Variants in GRID2 observed in about 807,000 individuals in gnomAD.
GRID2 encodes the protein glutamate ionotropic receptor delta type subunit 2, also known as glutamate receptor ionotropic, delta-2.
GRID2 carries 33 observed loss-of-function variants against 114.8 expected under a neutral mutation model. The ratio of observed to expected loss-of-function variants is 0.29; its 90% CI spans 0.22 to 0.38. The LOEUF is 0.38. GRID2 is among the 10% of genes least tolerant of loss of function. The pLI is 1.00. For synonymous variants in GRID2, 505 were observed against 449.9 expected, an observed-to-expected ratio of 1.12 and a Z score of -1.55; for missense variants, 1,184 against 1,257.7, an observed-to-expected ratio of 0.94 and a Z score of 0.89.
intron 8 of GRID2, among the ~76,000 whole-genome samples, chr4:93,255,627 G>C (rs959366360): frequency 6.6e-6 from 1 of 151,990 alleles, no homozygotes; most frequent in Non-Finnish European, 1.5e-5. Context: ...AATTCTCATG[G>C]GAATGGGTTA....
At chr4:92,688,066 T>TTTTTG (rs1352613092) in intron 2 of GRID2, among the ~76,000 whole-genome samples, 4 of 135,018 alleles carry the variant, frequency 3.0e-5, no homozygotes, top group African/African-American at 1.2e-4. Flanking sequence ...TTTTTTTTTT[T>TTTTTG]GGGATGGAGT....
At chr4:93,754,585 G>A (rs1398307674) in intron 14 of GRID2, among the ~76,000 whole-genome samples, 1 of 152,036 alleles carries the variant, frequency 6.6e-6, no homozygotes, top group Non-Finnish European at 1.5e-5. Flanking sequence ...ATCCAGTATT[G>A]CTTACCACCA....
intron 1 of GRID2, among the ~76,000 whole-genome samples, chr4:92,397,736 G>A (rs1268722853): frequency 6.6e-6 from 1 of 152,038 alleles, no homozygotes; most frequent in African/African-American, 2.4e-5. Flanking sequence ...TGTTACAATA[G>A]CAACCCAAAA....
chr4:93,160,357 T>C (rs1281221128), intron 4 of GRID2, among the ~76,000 whole-genome samples: 1 of 151,820 alleles, frequency 6.6e-6, no homozygotes, highest in Non-Finnish European at 1.5e-5. Flanking sequence ...AAAATAAAGT[T>C]TTCCAGTTCG....
At chr4:92,933,166 T>A (rs956143258) in intron 2 of GRID2, among the ~76,000 whole-genome samples, 2 of 150,140 alleles carry the variant, frequency 1.3e-5, no homozygotes, top group African/African-American at 4.9e-5. Flanking sequence ...TATATACACA[T>A]ATATATATGT....
chr4:93,105,594 A>G (rs1339106590), intron 3 of GRID2, among the ~76,000 whole-genome samples: 1 of 152,180 alleles, frequency 6.6e-6, no homozygotes, highest in Non-Finnish European at 1.5e-5. Context: ...AGTGTCAGCA[A>G]TGCTGTGTTC....
chr4:93,684,218 A>G (rs1725870921), intron 14 of GRID2, among the ~76,000 whole-genome samples: 3 of 152,108 alleles, frequency 2.0e-5, no homozygotes. Context: ...TAGTAAATGT[A>G]ATGTTTAGTT....
chr4:92,885,067 AC>A, intron 2 of GRID2: 1 of 314,080 alleles, frequency 3.2e-6, no homozygotes, highest in Non-Finnish European at 6.3e-6. Flanking sequence ...AAACAATTCA[AC>A]CATCAAAATA....
chr4:92,395,737 A>G (rs1269954380), intron 1 of GRID2, among the ~76,000 whole-genome samples: 1 of 151,798 alleles, frequency 6.6e-6, no homozygotes, highest in Non-Finnish European at 1.5e-5. Flanking sequence ...TATGTGTCAT[A>G]TTTTAAATAT....
At chr4:93,092,679 T>C (rs897851011) in intron 3 of GRID2, among the ~76,000 whole-genome samples, 3 of 152,052 alleles carry the variant, frequency 2.0e-5, no homozygotes, top group South Asian at 2.1e-4. Flanking sequence ...TATGGGTTTC[T>C]CCATGAGTAA....
chr4:93,458,338 A>T (rs185092432), intron 11 of GRID2, among the ~76,000 whole-genome samples: 1 of 152,332 alleles, frequency 6.6e-6, no homozygotes, highest in Non-Finnish European at 1.5e-5. Flanking sequence ...CAGCTAGACA[A>T]TTCAGAGGCC....
At chr4:93,209,113 T>C (rs1160731552) in intron 5 of GRID2, among the ~76,000 whole-genome samples, 1 of 151,994 alleles carries the variant, frequency 6.6e-6, no homozygotes, top group Non-Finnish European at 1.5e-5. Flanking sequence ...TTTTTAGCTT[T>C]TAAGTTCAGG....
At chr4:92,341,458 A>G (rs937051785) in intron 1 of GRID2, among the ~76,000 whole-genome samples, 1 of 151,998 alleles carries the variant, frequency 6.6e-6, no homozygotes. Flanking sequence ...TGATGCCACT[A>G]AAGTCTAGAG....
chr4:93,355,606 T>C (rs1579796435), intron 8 of GRID2, among the ~76,000 whole-genome samples: 1 of 152,076 alleles, frequency 6.6e-6, no homozygotes, highest in Non-Finnish European at 1.5e-5. Context: ...ATCGATCTTG[T>C]GATTCACGAA....
At chr4:93,452,138 G>A (rs907706483) in intron 10 of GRID2, among the ~76,000 whole-genome samples, 1 of 152,130 alleles carries the variant, frequency 6.6e-6, no homozygotes, top group African/African-American at 2.4e-5. Context: ...CCAGAGAACT[G>A]CTAACATGAG....
chr4:93,087,203 G>GTTT (rs113663095), intron 3 of GRID2, among the ~76,000 whole-genome samples: 1 of 145,970 alleles, frequency 6.9e-6, no homozygotes, highest in African/African-American at 2.5e-5. Context: ...CCTAGCTATT[G>GTTT]TTTTTTTTTT....
At chr4:92,714,657 A>T (rs998607729) in intron 2 of GRID2, among the ~76,000 whole-genome samples, 3 of 152,094 alleles carry the variant, frequency 2.0e-5, no homozygotes, top group African/African-American at 4.8e-5. Flanking sequence ...ACTTCTATGC[A>T]CCCACAGGCT....
chr4:93,122,904 T>G (rs1733925606), intron 4 of GRID2, among the ~76,000 whole-genome samples: 2 of 148,800 alleles, frequency 1.3e-5, no homozygotes, highest in African/African-American at 2.5e-5. Flanking sequence ...TTTTTTTTTT[T>G]TTTTTTTTGA....
intron 13 of GRID2, among the ~76,000 whole-genome samples, chr4:93,543,747 A>AGAGAGAGAGAGAG (rs1578225563): frequency 2.0e-5 from 3 of 147,926 alleles, no homozygotes; most frequent in African/African-American, 7.5e-5. Flanking sequence ...AGAGAGAGAG[A>AGAGAGAGAGAGAG]AGCAGCACTC....
Sources: allele counts gnomAD v4.1 joint callset (sites outside exome capture counted in the v4.1 genomes callset), GRCh38; gene constraint gnomAD v4.1.1; transcripts MANE v1.5; gene names NCBI Gene and HGNC (gene_info 2026-07-23, HGNC 2026-07-21).